TXNDC11: variants seen among roughly 807,000 people sequenced by gnomAD.
TXNDC11 encodes the protein thioredoxin domain-containing protein 11.
TXNDC11 carries 68 observed loss-of-function variants against 78.0 expected under a neutral mutation model. The observed-to-expected ratio is 0.87, with a 90% CI of 0.72 to 1.07. The LOEUF (loss-of-function observed/expected upper bound fraction) is 1.07, where lower values mean the gene tolerates loss of function less well. Among genes scored for constraint, TXNDC11 ranks in the 50% least tolerant of loss-of-function variants. TXNDC11 has a pLI of 0.00. For missense variants in TXNDC11, 1,389 were observed against 1,221.8 expected (o/e 1.14, Z -2.04); for synonymous variants, 571 against 495.2 (o/e 1.15, Z -2.03).
intron 4 of TXNDC11, among the ~76,000 whole-genome samples, chr16:11,726,511 T>G (rs1597483238): frequency 7.3e-6 from 1 of 137,538 alleles, no homozygotes; most frequent in East Asian, 2.1e-4. Context: ...ACCTGGCAGG[T>G]GGAGGCTGCA....
chr16:11,684,220 G>T lies in TXNDC11; in HGVS notation c.2179C>A (p.Pro727Thr), dbSNP rs770363527. 3 of 1,613,612 alleles carry T rather than the reference G, an allele frequency of 1.9e-6. No homozygotes were observed. Among genetic ancestry groups the T allele is most frequent in the Middle Eastern group, 1.6e-4 (1 of 6,084 alleles). Residue 727 changes from proline (P) to threonine (T), a missense_variant, in exon 11 of 12, where the codon CCT (proline) becomes ACT (threonine). Transcript: ENST00000283033. ...AGACGATCGACCATAAATTCCCAAG[G>T]AAGGTCATTCTGAGACACGTCAATC... ...ARIDVSQNDL[P>T]WEFMVDRLPT...
chr16:11,683,928 T>G (rs1016033987), intron 11 of TXNDC11, among the ~76,000 whole-genome samples: 67 of 152,086 alleles, frequency 4.4e-4, no homozygotes, highest in African/African-American at 1.5e-3. Flanking sequence ...TTTTTGTATT[T>G]TTTGTACTGA....
At chr16:11,701,111 C>T (rs1348987422) in intron 5 of TXNDC11, among the ~76,000 whole-genome samples, 2 of 145,866 alleles carry the variant, frequency 1.4e-5, no homozygotes, top group South Asian at 2.2e-4. Flanking sequence ...TTTAGATTTC[C>T]TTTGGCCCAA....
At position 11,742,647 on chromosome 16, in the gene TXNDC11, C is replaced by G; in HGVS notation, c.84G>C (p.Ala28=). ...EDEGGGGGGP[A]GSDCLSSSPT... ...GGCTCGAGCTGAGGCAGTCTGAGCC[C>G]GCGGGGCCGCCGCCGCCCCCTCCCT... The change falls in exon 1 of 12, where the codon GCG becomes GCC. Residue 28 remains alanine, a synonymous_variant. Transcript: ENST00000283033. 6.8e-7 allele frequency: 1 copy of G among 1,460,556 alleles called. No homozygotes were observed. The highest frequency in any genetic ancestry group is 1.3e-5 in the South Asian group (1 of 76,174). 90.5% of individuals were successfully genotyped at this position (1,460,556 alleles called of 1,614,324 possible).
intron 10 of TXNDC11, among the ~76,000 whole-genome samples, chr16:11,684,648 ATGTTG>A (rs1275268821): frequency 6.7e-6 from 1 of 148,974 alleles, no homozygotes; most frequent in African/African-American, 2.4e-5. Flanking sequence ...TACCCTCTTT[ATGTTG>A]TAAATCTGGA....
chr16:11,718,893 G>T (rs1416574432), intron 5 of TXNDC11, among the ~76,000 whole-genome samples: 1 of 152,006 alleles, frequency 6.6e-6, no homozygotes, highest in Non-Finnish European at 1.5e-5. Flanking sequence ...TGACCAAGGA[G>T]GTTCATTTTG....
At chr16:11,695,126 C>T (rs985315860) in intron 7 of TXNDC11, among the ~76,000 whole-genome samples, 19 of 149,154 alleles carry the variant, frequency 1.3e-4, no homozygotes, top group African/African-American at 3.6e-4. Flanking sequence ...GTGTAATACA[C>T]ACTGTGATGT....
intron 6 of TXNDC11, among the ~76,000 whole-genome samples, 158 bp downstream of exon 6, chr16:11,700,294 T>A (rs1449399180): frequency 2.0e-5 from 3 of 152,190 alleles, no homozygotes; most frequent in Non-Finnish European, 4.4e-5. Context: ...GAGCCTGGGC[T>A]CTAGGGTGGG....
chr16:11,698,011 C>A, intron 7 of TXNDC11, 114 bp downstream of exon 7: 1 of 953,452 alleles, frequency 1.0e-6, no homozygotes, highest in Non-Finnish European at 1.6e-6. Flanking sequence ...CCACAGCTGC[C>A]CCTCGTGGCA....
chr16:11,730,729 A>T lies in TXNDC11; in HGVS notation c.615T>A (p.Ile205=). ...EYKGPMSAVY[I]EKFVRRVMKP... ...TCATCACCCGGCGGACAAACTTCTC[A>T]ATGTAAACAGCACTCATGGGGCCTT... The change falls in exon 4 of 12, where the codon ATT becomes ATA. Residue 205 remains isoleucine (I), a synonymous_variant. Coordinates refer to ENST00000283033, the MANE Select transcript of TXNDC11 (RefSeq NM_015914.7). The T allele has an allele frequency of 1.2e-6, 2 of 1,613,836 alleles. No individual in the cohort carries two copies. Among genetic ancestry groups the T allele is most frequent in the Non-Finnish European group, 1.7e-6 (2 of 1,179,754 alleles).
chr16:11,730,998 A>T (rs2052028596), intron 3 of TXNDC11, among the ~76,000 whole-genome samples: 1 of 152,124 alleles, frequency 6.6e-6, no homozygotes, highest in Non-Finnish European at 1.5e-5. Context: ...CTACCCTTCT[A>T]TGATCTTGAA....
chr16:11,722,589 G>A (rs936899674), intron 4 of TXNDC11, among the ~76,000 whole-genome samples: 3 of 152,116 alleles, frequency 2.0e-5, no homozygotes, highest in Non-Finnish European at 4.4e-5. Flanking sequence ...GAACAGCCTC[G>A]GGAGAACCCT....
chr16:11,707,962 T>G (rs769477557), intron 5 of TXNDC11, among the ~76,000 whole-genome samples: 9 of 151,948 alleles, frequency 5.9e-5, no homozygotes, highest in Non-Finnish European at 1.0e-4. Flanking sequence ...TGTAAGCCTA[T>G]AGTCCTAGCT....
At chr16:11,701,406 G>A (rs1009660051) in intron 5 of TXNDC11, among the ~76,000 whole-genome samples, 2 of 152,000 alleles carry the variant, frequency 1.3e-5, no homozygotes, top group South Asian at 2.1e-4. Context: ...CAAAGTGCCA[G>A]AATTACAGGT....
At chr16:11,698,473 G>A (rs766081740) in intron 6 of TXNDC11, 148 bp from the exon 7 acceptor site, 12 of 660,712 alleles carry the variant, frequency 1.8e-5, no homozygotes, top group Admixed American at 2.9e-5. Flanking sequence ...GCTAACACCC[G>A]CTTCTCCAGA....
chr16:11,705,555 C>A (rs769821678), intron 5 of TXNDC11, among the ~76,000 whole-genome samples: 44 of 152,232 alleles, frequency 2.9e-4, no homozygotes, highest in Non-Finnish European at 5.3e-4. Flanking sequence ...AAGTCACCAT[C>A]GTGATTTATT....
At chr16:11,707,461 T>TG (rs1287633017) in intron 5 of TXNDC11, among the ~76,000 whole-genome samples, 2 of 151,886 alleles carry the variant, frequency 1.3e-5, no homozygotes, top group Non-Finnish European at 2.9e-5. Context: ...CCAATTTTTT[T>TG]TTTTAAAGAC....
intron 5 of TXNDC11, among the ~76,000 whole-genome samples, 154 bp from the exon 6 acceptor site, chr16:11,700,718 C>CT (rs1320012976): frequency 6.6e-6 from 1 of 152,216 alleles, no homozygotes; most frequent in African/African-American, 2.4e-5. Context: ...TGAGGAACCT[C>CT]TCCTCCTGAA....
intron 8 of TXNDC11, among the ~76,000 whole-genome samples, chr16:11,689,597 G>C (rs925091308): frequency 1.3e-5 from 2 of 152,156 alleles, no homozygotes; most frequent in African/African-American, 4.8e-5. Context: ...AAACATTTCA[G>C]AGAAGATACA....
Sources: allele counts gnomAD v4.1 joint callset (sites outside exome capture counted in the v4.1 genomes callset), GRCh38; gene constraint gnomAD v4.1.1; transcripts MANE v1.5; gene names NCBI Gene and HGNC (gene_info 2026-07-23, HGNC 2026-07-21).